Variants in BACH2 observed in about 807,000 individuals in gnomAD.
The protein encoded by BACH2 is BACH transcriptional regulator 2, also known as transcription regulator protein BACH2.
Under a neutral mutation model 61.8 loss-of-function variants are expected in BACH2, and 5 were observed. The ratio of observed to expected loss-of-function variants is 0.08; its 90% CI spans 0.04 to 0.17. BACH2 has a LOEUF of 0.17. Among genes scored for constraint, BACH2 ranks in the 10% least tolerant of loss-of-function variants. BACH2 has a pLI of 1.00. For synonymous variants in BACH2, 446 were observed against 440.1 expected, an observed-to-expected ratio of 1.01 and a Z score of -0.17; for missense variants, 824 against 1,091.1, an observed-to-expected ratio of 0.76 and a Z score of 3.45.
At chr6:90,296,123 C>A (rs1469420847) in intron 1 of BACH2, among the ~76,000 whole-genome samples, 4 of 152,134 alleles carry the variant, frequency 2.6e-5, no homozygotes, top group Admixed American at 2.6e-4. Context: ...CTCCTGCAGC[C>A]CGCCCTCCCC....
intron 4 of BACH2, among the ~76,000 whole-genome samples, chr6:90,161,599 C>G (rs1330176437): frequency 6.6e-6 from 1 of 152,158 alleles, no homozygotes; most frequent in African/African-American, 2.4e-5. Flanking sequence ...AGTTAAGCAA[C>G]TGATTAGAAA....
intron 6 of BACH2, among the ~76,000 whole-genome samples, chr6:89,984,072 T>C (rs920043045): frequency 1.3e-5 from 2 of 152,188 alleles, no homozygotes; most frequent in Non-Finnish European, 2.9e-5. Flanking sequence ...CCTTCAAGCA[T>C]GGCATTCAAG....
At chr6:90,158,570 G>C (rs370759944) in intron 4 of BACH2, among the ~76,000 whole-genome samples, 32 of 151,404 alleles carry the variant, frequency 2.1e-4, no homozygotes, top group Middle Eastern at 3.5e-3. Flanking sequence ...TTTGAGACAG[G>C]GTTGAACAGG....
chr6:90,074,936 C>T (rs553664584), intron 5 of BACH2, among the ~76,000 whole-genome samples: 1 of 152,172 alleles, frequency 6.6e-6, no homozygotes, highest in African/African-American at 2.4e-5. Context: ...TAAGCAGGAA[C>T]AAAGGAACCT....
chr6:90,148,006 C>T (rs1582419831), intron 4 of BACH2, among the ~76,000 whole-genome samples: 2 of 152,088 alleles, frequency 1.3e-5, no homozygotes, highest in African/African-American at 4.8e-5. Context: ...CAGAAAGACA[C>T]ACAGATGAAA....
intron 6 of BACH2, among the ~76,000 whole-genome samples, chr6:90,006,481 T>C (rs1446139111): frequency 6.6e-6 from 1 of 152,230 alleles, no homozygotes; most frequent in Non-Finnish European, 1.5e-5. Flanking sequence ...AGCTGATCTG[T>C]CCTTTTGCTT....
intron 3 of BACH2, among the ~76,000 whole-genome samples, chr6:90,232,412 T>C (rs1240087964): frequency 6.6e-6 from 1 of 152,260 alleles, no homozygotes; most frequent in African/African-American, 2.4e-5. Flanking sequence ...TAGCTGGAAT[T>C]GTGTATTTAT....
chr6:90,034,189 G>A (rs1428616541), intron 5 of BACH2, among the ~76,000 whole-genome samples: 4 of 152,190 alleles, frequency 2.6e-5, no homozygotes, highest in Admixed American at 1.3e-4. Context: ...CATACCAACC[G>A]TATCTAATGT....
chr6:90,290,623 C>T (rs1331728434), intron 1 of BACH2, among the ~76,000 whole-genome samples: 1 of 152,212 alleles, frequency 6.6e-6, no homozygotes, highest in African/African-American at 2.4e-5. Context: ...AGGAAAGATG[C>T]TGAGCATGTA....
At chr6:90,221,915 A>G (rs1005380726) in intron 3 of BACH2, among the ~76,000 whole-genome samples, 3 of 152,196 alleles carry the variant, frequency 2.0e-5, no homozygotes, top group East Asian at 1.9e-4. Context: ...GAAACTCTAA[A>G]TGTCATGATA....
chr6:89,998,513 A>G (rs1353590546), intron 6 of BACH2, among the ~76,000 whole-genome samples: 1 of 152,154 alleles, frequency 6.6e-6, no homozygotes. Flanking sequence ...TAGGAAACCA[A>G]AAGTGTTATT....
intron 1 of BACH2, among the ~76,000 whole-genome samples, chr6:90,279,522 C>CAAA (rs10637718): frequency 0.059 from 7,298 of 123,922 alleles, 778 homozygotes; most frequent in African/African-American, 0.2. Flanking sequence ...GACTCCGTCT[C>CAAA]AAAAAAAAAA....
At chr6:90,077,963 T>C (rs1463310400) in intron 5 of BACH2, among the ~76,000 whole-genome samples, 5 of 152,142 alleles carry the variant, frequency 3.3e-5, no homozygotes, top group African/African-American at 9.7e-5. Flanking sequence ...CACTTTATAA[T>C]GCAAAACTTT....
intron 6 of BACH2, among the ~76,000 whole-genome samples, chr6:89,999,321 A>G (rs1046578854): frequency 2.0e-5 from 3 of 152,354 alleles, no homozygotes; most frequent in African/African-American, 7.2e-5. Context: ...TGACTCAACC[A>G]TCTACTCAAA....
chr6:90,162,537 G>A (rs973956789), intron 4 of BACH2, among the ~76,000 whole-genome samples: 26 of 152,168 alleles, frequency 1.7e-4, no homozygotes, highest in African/African-American at 5.6e-4. Flanking sequence ...AGCTACTTGG[G>A]AGTCTGAGGT....
intron 1 of BACH2, among the ~76,000 whole-genome samples, chr6:90,276,098 G>A (rs964109766): frequency 6.6e-6 from 1 of 152,106 alleles, no homozygotes; most frequent in Non-Finnish European, 1.5e-5. Context: ...CTTTATAAAG[G>A]AGAGGCTTTC....
chr6:89,960,565 A>G (rs1774687646), intron 6 of BACH2, among the ~76,000 whole-genome samples: 1 of 152,254 alleles, frequency 6.6e-6, no homozygotes, highest in South Asian at 2.1e-4. Flanking sequence ...GGTGAATCTC[A>G]TAATTGGTTC....
chr6:89,971,094 A>C (rs1476382539), intron 6 of BACH2, among the ~76,000 whole-genome samples: 1 of 152,194 alleles, frequency 6.6e-6, no homozygotes. Flanking sequence ...TGAACTGCCA[A>C]ATCTGTCAGC....
chr6:90,207,083 T>C (rs1769170951), intron 3 of BACH2, among the ~76,000 whole-genome samples: 1 of 152,068 alleles, frequency 6.6e-6, no homozygotes, highest in African/African-American at 2.4e-5. Flanking sequence ...AAAAGGGTCA[T>C]TGTACAGTTT....
Sources: gnomAD v4.1 joint callset for allele counts (sites outside exome capture counted in the v4.1 genomes callset) on GRCh38, gnomAD v4.1.1 for gene constraint, MANE v1.5 for transcripts, NCBI Gene and HGNC (gene_info 2026-07-23, HGNC 2026-07-21) for gene names.